Variants in RANBP3L observed in about 807,000 individuals in gnomAD.
The protein encoded by RANBP3L is ran-binding protein 3-like.
A neutral mutation model predicts 67.2 loss-of-function variants in RANBP3L; 56 were observed. The observed-to-expected ratio is 0.83, with a 90% CI of 0.67 to 1.04. The LOEUF is 1.04. RANBP3L is among the 50% of genes least tolerant of loss of function. The pLI is 0.00. For missense variants in RANBP3L, 496 were observed against 535.5 expected (o/e 0.93, Z 0.73); for synonymous variants, 164 against 181.4 (o/e 0.90, Z 0.77).
rs771603279 is a variant in RANBP3L at position 36,257,529 on chromosome 5, G to A, written c.697C>T (p.Leu233Phe). The change falls in exon 9 of 14, where the codon CTT becomes TTT. Residue 233 changes from leucine (L) to phenylalanine (F), a missense_variant. Physicochemically the swap from Leu to Phe is conservative, Grantham distance 22. Transcript: ENST00000296604. ...TCCTTGGCATATGAATCATTTTCAA[G>A]TTGAGGCTGGGTGAGTTTTTGAGTA... ...LGTQKLTQPQLENDSYAKEKP... is the reference protein window; with the variant it reads ...LGTQKLTQPQFENDSYAKEKP... The A allele has an allele frequency of 1.9e-6, 3 of 1,584,212 alleles. No homozygotes were observed. The highest frequency in any genetic ancestry group is 1.7e-5 in the Admixed American group (1 of 58,524).
At chr5:36,277,782 G>A (rs138196701) in intron 1 of RANBP3L, among the ~76,000 whole-genome samples, 5 of 152,150 alleles carry the variant, frequency 3.3e-5, no homozygotes, top group Non-Finnish European at 7.4e-5. Flanking sequence ...CTGTTCTCAC[G>A]CTGTTGATAA....
At chr5:36,250,925 G>C (rs146039176) in intron 13 of RANBP3L, among the ~76,000 whole-genome samples, 7 of 151,948 alleles carry the variant, frequency 4.6e-5, no homozygotes, top group South Asian at 2.1e-4. Flanking sequence ...GGGAATAAAC[G>C]AATTTTCAGG....
chr5:36,248,404 A>G lies in RANBP3L; in HGVS notation c.*1250T>C, dbSNP rs1748399486. 1 of 152,200 alleles carries G rather than the reference A, an allele frequency of 6.6e-6. No individual in the cohort carries two copies. The highest frequency in any genetic ancestry group is 2.1e-4 in the South Asian group (1 of 4,834). The allele number at this position is 152,200 out of a possible 1,614,324, so 9.4% of individuals were successfully genotyped here. A position where few individuals can be genotyped will look rare whatever the true frequency, so the allele number is the denominator to read the frequency against. On this transcript the variant is annotated 3_prime_UTR_variant, in exon 14 of 14. Coordinates refer to ENST00000296604, the MANE Select transcript of RANBP3L (RefSeq NM_145000.5). ...ATCTGAAAGACTTAATTTAAATTTC[A>G]TATGCTAAACTTTCAGGCAGTAGCT...
intron 1 of RANBP3L, among the ~76,000 whole-genome samples, chr5:36,271,595 A>G (rs919216832): frequency 1.3e-5 from 2 of 152,208 alleles, no homozygotes; most frequent in East Asian, 1.9e-4. Context: ...AAATATAATT[A>G]TGTACCTTTA....
At chr5:36,266,757 CT>C (rs10556207) in intron 4 of RANBP3L, among the ~76,000 whole-genome samples, 42 of 148,914 alleles carry the variant, frequency 2.8e-4, no homozygotes, top group Non-Finnish European at 3.4e-4. Context: ...GTCTCTCTCA[CT>C]TTTTTTTTTT....
rs1277603892 is a variant in RANBP3L at position 36,247,572 on chromosome 5, G to A, written c.*2082C>T. On this transcript the variant is annotated 3_prime_UTR_variant, in exon 14 of 14. Coordinates refer to ENST00000296604, the MANE Select transcript of RANBP3L (RefSeq NM_145000.5). ...TTTATCTCTACCTTAGTGTGGGGAC[G>A]AGGATGAACATGTCAAAAAGATAAA... is the stretch of plus-strand genomic sequence containing the variant. Among the ~76,000 whole-genome samples, 1 of 152,190 alleles carries A rather than the reference G, an allele frequency of 6.6e-6. No individual in the cohort carries two copies. The highest frequency in any genetic ancestry group is 2.4e-5 in the African/African-American group (1 of 41,442).
rs977669961 is a variant in RANBP3L at position 36,253,641 on chromosome 5, C to T, written c.1167+6G>A. 1.3e-6 allele frequency: 2 copies of T among 1,591,180 alleles called. No homozygotes were observed. Among genetic ancestry groups the T allele is most frequent in the African/African-American group, 1.3e-5 (1 of 74,382 alleles). On this transcript the variant is annotated splice_donor_region_variant and intron_variant, in intron 12 of 13. Coordinates refer to ENST00000296604, the MANE Select transcript of RANBP3L (RefSeq NM_145000.5). The stretch of plus-strand genomic sequence containing the variant: ...TAATCTTCTATCACTGAAATTTCTC[C>T]CTTACCTGAATTAAAAATATTTTGA...
Position 36,276,578 on chromosome 5 carries a change from G to A in RANBP3L, c.92-5267C>T, listed in dbSNP as rs532091542. ...AAAGTATTATACTATCACAATCAATGTTTACAATAAACTTTTTTTTTCTAT... is the reference window on the plus strand; with the variant it reads ...AAAGTATTATACTATCACAATCAATATTTACAATAAACTTTTTTTTTCTAT... On this transcript the variant is annotated intron_variant, in intron 1 of 13. Coordinates refer to ENST00000296604, the MANE Select transcript of RANBP3L (RefSeq NM_145000.5). Among the ~76,000 whole-genome samples the A allele has an allele frequency of 5.3e-5, 8 of 151,868 alleles. No homozygotes were observed. The East Asian group carries it at 1.4e-3, about 26-fold the overall frequency.
At position 36,257,051 on chromosome 5, in the gene RANBP3L, T is replaced by TTCAATTCA; in HGVS notation, c.792_793insTGAATTGA (p.Thr265Ter). 1.2e-6 allele frequency: 2 copies of TTCAATTCA among 1,612,292 alleles called. No individual in the cohort carries two copies. The highest frequency in any genetic ancestry group is 1.7e-6 in the Non-Finnish European group (2 of 1,178,916). ...GCAGCAGCTGATTCAATTAGGGAAG[T>TTCAATTCA]ATTTTTAATAGAGTCTGTTCCTAAG... is the stretch of plus-strand genomic sequence containing the variant. On this transcript the variant is annotated stop_gained and frameshift_variant, in exon 10 of 14. Transcript: ENST00000296604. LOFTEE classifies it high-confidence loss of function.
In RANBP3L at chr5:36,269,983, G is replaced by T. The variant is rs1750096135; in HGVS notation, c.158C>A (p.Ala53Glu). ...TGCTGCTTCATACAGGGTGTCTTCT[G>T]CAGGTCTCTGAAAGGAAACAAAACC... ...EKGEQTFKRP[A>E]EDTLYEAAEP... Residue 53 changes from alanine (A) to glutamate (E), a missense_variant, in exon 3 of 14, where the codon GCA becomes GAA. Transcript: ENST00000296604. 6.2e-7 allele frequency: 1 copy of T among 1,613,178 alleles called. No individual in the cohort carries two copies. Among genetic ancestry groups the T allele is most frequent in the Non-Finnish European group, 8.5e-7 (1 of 1,179,216 alleles).
chr5:36,259,467 C>T (rs1749216962), intron 8 of RANBP3L, among the ~76,000 whole-genome samples: 1 of 151,792 alleles, frequency 6.6e-6, no homozygotes, highest in Non-Finnish European at 1.5e-5. Context: ...CCTGTGGTCC[C>T]ACCTACTCGG....
intron 1 of RANBP3L, among the ~76,000 whole-genome samples, chr5:36,291,384 C>G (rs1751752432): frequency 6.8e-6 from 1 of 147,440 alleles, no homozygotes; most frequent in African/African-American, 2.5e-5. Flanking sequence ...TCAGTTTTAG[C>G]TGTATCTTAT....
At chr5:36,255,932 G>A (rs536602934) in intron 10 of RANBP3L, among the ~76,000 whole-genome samples, 2 of 151,956 alleles carry the variant, frequency 1.3e-5, no homozygotes, top group East Asian at 3.9e-4. Context: ...ACATATAAAT[G>A]TTCCCCCTCT....
At position 36,265,444 on chromosome 5, in the gene RANBP3L, C is replaced by A. The variant is rs1424496084; in HGVS notation, c.340+5G>T. Reference sequence around the variant, plus strand: ...TCTGAGGTTCTTGAAATAGAAGCTACATACCTTGTTCAGCACTCTTTATAT... The same window carrying A: ...TCTGAGGTTCTTGAAATAGAAGCTAAATACCTTGTTCAGCACTCTTTATAT... On this transcript the variant is annotated splice_donor_5th_base_variant and intron_variant, in intron 5 of 13. Coordinates refer to ENST00000296604, the MANE Select transcript of RANBP3L (RefSeq NM_145000.5). 3 of 1,564,934 alleles carry A rather than the reference C, an allele frequency of 1.9e-6. No individual in the cohort carries two copies. In the South Asian group the frequency reaches 3.4e-5, roughly 18 times the overall value.
chr5:36,262,723 A>C (rs556809848), intron 6 of RANBP3L, among the ~76,000 whole-genome samples: 1 of 152,222 alleles, frequency 6.6e-6, no homozygotes, highest in South Asian at 2.1e-4. Context: ...TTTCCACTTA[A>C]ATTTTTATTT....
intron 1 of RANBP3L, among the ~76,000 whole-genome samples, chr5:36,290,594 T>A (rs986273260): frequency 5.3e-5 from 8 of 152,080 alleles, no homozygotes; most frequent in Non-Finnish European, 1.5e-5. Context: ...CTTTGGGGAA[T>A]CATGGAGGAG....
At chr5:36,269,355 A>G (rs1750044291) in intron 4 of RANBP3L, 35 bp downstream of exon 4, 5 of 1,201,360 alleles carry the variant, frequency 4.2e-6, no homozygotes, top group Non-Finnish European at 4.9e-6. Context: ...GAATAAACAT[A>G]ACAGTGAATA....
intron 1 of RANBP3L, among the ~76,000 whole-genome samples, chr5:36,297,588 G>T (rs1335242934): frequency 1.3e-5 from 2 of 152,178 alleles, no homozygotes; most frequent in Non-Finnish European, 2.9e-5. Context: ...AAGGAAGGTT[G>T]TCTGCCTAGT....
At chr5:36,294,242 G>T (rs1222775643) in intron 1 of RANBP3L, among the ~76,000 whole-genome samples, 1 of 152,018 alleles carries the variant, frequency 6.6e-6, no homozygotes, top group South Asian at 2.1e-4. Context: ...GGGATCGGTG[G>T]TGATATCCCC....
Sources: gnomAD v4.1 joint callset for allele counts (sites outside exome capture counted in the v4.1 genomes callset) on GRCh38, gnomAD v4.1.1 for gene constraint, MANE v1.5 for transcripts, NCBI Gene and HGNC (gene_info 2026-07-23, HGNC 2026-07-21) for gene names.